Variants in HTR1F observed in about 807,000 individuals in gnomAD.
The protein encoded by HTR1F is 5-hydroxytryptamine receptor 1F.
In HTR1F, 17 loss-of-function variants were observed where a neutral mutation model predicts 24.0. The observed-to-expected ratio is 0.71, with a 90% CI of 0.48 to 1.06. HTR1F has a LOEUF of 1.06. Among genes scored for constraint, HTR1F ranks in the 50% least tolerant of loss-of-function variants. The pLI, the probability that HTR1F is intolerant of heterozygous loss-of-function variation, is 0.00. For missense variants in HTR1F, 391 were observed against 427.8 expected, an observed-to-expected ratio of 0.91 and a Z score of 0.76; for synonymous variants, 186 against 156.8, an observed-to-expected ratio of 1.19 and a Z score of -1.39.
At chr3:87,917,907 G>A (rs897376407) in intron 2 of HTR1F, among the ~76,000 whole-genome samples, 1 of 151,754 alleles carries the variant, frequency 6.6e-6, no homozygotes, top group Non-Finnish European at 1.5e-5. Context: ...ACCAGTAAAG[G>A]ACATAACCAA....
intron 2 of HTR1F, among the ~76,000 whole-genome samples, chr3:87,842,279 G>A (rs1704825031): frequency 6.6e-6 from 1 of 151,592 alleles, no homozygotes; most frequent in Non-Finnish European, 1.5e-5. Context: ...CTCTGCCTCA[G>A]CCTCCCGAGT....
chr3:87,819,729 A>G (rs1704317978), intron 1 of HTR1F, among the ~76,000 whole-genome samples: 1 of 152,090 alleles, frequency 6.6e-6, no homozygotes, highest in Admixed American at 6.5e-5. Flanking sequence ...AAGGTTATAA[A>G]GTTTTAAAAT....
At chr3:87,966,769 A>G (rs2107488524) in intron 2 of HTR1F, among the ~76,000 whole-genome samples, 1 of 152,318 alleles carries the variant, frequency 6.6e-6, no homozygotes, top group African/African-American at 2.4e-5. Context: ...ACATTAACTC[A>G]TATACTCTTA....
At chr3:87,831,046 T>C (rs748106454) in intron 2 of HTR1F, among the ~76,000 whole-genome samples, 1 of 152,140 alleles carries the variant, frequency 6.6e-6, no homozygotes, top group Non-Finnish European at 1.5e-5. Flanking sequence ...GAATTAACAG[T>C]TGATAAATGA....
At chr3:87,924,273 G>T (rs1384934680) in intron 2 of HTR1F, among the ~76,000 whole-genome samples, 1 of 152,066 alleles carries the variant, frequency 6.6e-6, no homozygotes, top group Non-Finnish European at 1.5e-5. Flanking sequence ...TTACCAATTT[G>T]TTGATGCACG....
At chr3:87,866,680 G>A (rs1455627614) in intron 2 of HTR1F, among the ~76,000 whole-genome samples, 1 of 149,602 alleles carries the variant, frequency 6.7e-6, no homozygotes, top group Admixed American at 6.6e-5. Context: ...AAGACTTCAA[G>A]TGCATTTCCT....
intron 2 of HTR1F, among the ~76,000 whole-genome samples, chr3:87,878,027 G>A (rs1294568067): frequency 7.2e-5 from 11 of 152,128 alleles, no homozygotes; most frequent in Non-Finnish European, 1.3e-4. Flanking sequence ...AGACTTGAAC[G>A]ATTGATAGTG....
chr3:87,877,605 A>T (rs559010765), intron 2 of HTR1F, among the ~76,000 whole-genome samples: 8 of 152,198 alleles, frequency 5.3e-5, no homozygotes, highest in Non-Finnish European at 1.2e-4. Context: ...CACTGTTATT[A>T]TTCCCATTAC....
intron 2 of HTR1F, among the ~76,000 whole-genome samples, chr3:87,937,446 G>T (rs1391143023): frequency 6.6e-6 from 1 of 152,008 alleles, no homozygotes; most frequent in Non-Finnish European, 1.5e-5. Flanking sequence ...GTCTAAACTG[G>T]GTATTGAAGG....
intron 2 of HTR1F, among the ~76,000 whole-genome samples, chr3:87,908,305 G>C (rs904321571): frequency 6.6e-6 from 1 of 151,882 alleles, no homozygotes; most frequent in Non-Finnish European, 1.5e-5. Context: ...TTAAAAACCA[G>C]TGAATTTTCT....
chr3:87,966,368 C>A (rs1415235692), intron 2 of HTR1F, among the ~76,000 whole-genome samples: 1 of 152,138 alleles, frequency 6.6e-6, no homozygotes, highest in African/African-American at 2.4e-5. Flanking sequence ...AGAAAGATAT[C>A]AGAACTGTTA....
chr3:87,932,692 G>A (rs532892191), intron 2 of HTR1F, among the ~76,000 whole-genome samples: 2 of 152,070 alleles, frequency 1.3e-5, no homozygotes, highest in South Asian at 4.2e-4. Context: ...AACAGGATCT[G>A]AAATTGTGGC....
intron 2 of HTR1F, among the ~76,000 whole-genome samples, chr3:87,870,510 C>T (rs1705531008): frequency 6.6e-6 from 1 of 152,024 alleles, no homozygotes; most frequent in Non-Finnish European, 1.5e-5. Flanking sequence ...GATAGCCCTC[C>T]ACAAACCAGC....
At chr3:87,857,302 G>T (rs1705219108) in intron 2 of HTR1F, among the ~76,000 whole-genome samples, 1 of 151,898 alleles carries the variant, frequency 6.6e-6, no homozygotes, top group South Asian at 2.1e-4. Context: ...GTAGAATACA[G>T]ATTACTAAAT....
At chr3:87,847,745 C>G (rs1704978097) in intron 2 of HTR1F, among the ~76,000 whole-genome samples, 1 of 151,754 alleles carries the variant, frequency 6.6e-6, no homozygotes, top group Admixed American at 6.6e-5. Context: ...TTCTCTGTAT[C>G]CATAAGATCA....
intron 2 of HTR1F, among the ~76,000 whole-genome samples, chr3:87,835,842 A>T (rs1704671914): frequency 6.6e-6 from 1 of 152,126 alleles, no homozygotes; most frequent in Non-Finnish European, 1.5e-5. Flanking sequence ...CTGGGCACTT[A>T]TCAGCTGTCT....
chr3:87,893,546 G>A (rs771576812), intron 2 of HTR1F, among the ~76,000 whole-genome samples: 2 of 152,114 alleles, frequency 1.3e-5, no homozygotes, highest in Non-Finnish European at 2.9e-5. Flanking sequence ...ACTGCTAGAG[G>A]TAGGCACAAT....
intron 2 of HTR1F, among the ~76,000 whole-genome samples, chr3:87,904,569 A>G (rs1159489826): frequency 2.0e-5 from 3 of 152,102 alleles, no homozygotes; most frequent in African/African-American, 7.2e-5. Flanking sequence ...ATTTCATGCA[A>G]CAATATGAAA....
chr3:87,879,918 G>T lies in HTR1F; in HGVS notation c.-43+57794G>T, dbSNP rs1705751969. 3.9e-5 allele frequency among the ~76,000 whole-genome samples: 6 copies of T among 151,954 alleles called. No homozygotes were observed. In the South Asian group the frequency reaches 1.3e-3, roughly 32 times the overall value. On this transcript the variant is annotated intron_variant, in intron 2 of 2. Coordinates refer to ENST00000319595, the MANE Select transcript of HTR1F (RefSeq NM_001322209.2). ...CTAAAATGTACAAACAGAACATTAG[G>T]AATTTCCTGTCTGTTGATTCTAATA...
Sources: gnomAD v4.1 joint callset for allele counts (sites outside exome capture counted in the v4.1 genomes callset) on GRCh38, gnomAD v4.1.1 for gene constraint, MANE v1.5 for transcripts, NCBI Gene and HGNC (gene_info 2026-07-23, HGNC 2026-07-21) for gene names.